The following USP25 variants were observed in gnomAD, a reference collection of about 807,000 sequenced individuals.
The protein encoded by USP25 is ubiquitin carboxyl-terminal hydrolase 25.
USP25 carries 85 observed loss-of-function variants against 158.5 expected under a neutral mutation model. The observed-to-expected ratio is 0.54, with a 90% CI of 0.45 to 0.64. USP25 has a LOEUF of 0.64. Among genes scored for constraint, USP25 ranks in the 30% least tolerant of loss-of-function variants. The pLI is 0.00. For synonymous variants in USP25, 464 were observed against 460.4 expected (o/e 1.01, Z -0.10); for missense variants, 1,242 against 1,327.3 (o/e 0.94, Z 1.00).
chr21:15,785,467 A>G (rs1467072402), intron 4 of USP25, among the ~76,000 whole-genome samples: 1 of 152,210 alleles, frequency 6.6e-6, no homozygotes, highest in African/African-American at 2.4e-5. Context: ...AGATGGTATC[A>G]AGTATTTTAC....
At chr21:15,794,029 C>T (rs1361139404) in intron 5 of USP25, among the ~76,000 whole-genome samples, 1 of 151,338 alleles carries the variant, frequency 6.6e-6, no homozygotes, top group Non-Finnish European at 1.5e-5. Context: ...GGAACTTACT[C>T]AAATTGTGAT....
Position 15,849,767 on chromosome 21 carries a change from T to G in USP25, c.2452-10T>G. The G allele has an allele frequency of 1.3e-6, 2 of 1,522,672 alleles. No individual in the cohort carries two copies. Among genetic ancestry groups the G allele is most frequent in the Non-Finnish European group, 1.8e-6 (2 of 1,137,108 alleles). 94.3% of individuals were successfully genotyped at this position (1,522,672 alleles called of 1,614,324 possible). A position where few individuals can be genotyped will look rare whatever the true frequency, so the allele number is the denominator to read the frequency against. On this transcript the variant is annotated splice_polypyrimidine_tract_variant and intron_variant, in intron 19 of 25. Transcript: ENST00000400183. ...AACCTTTTTTTAATGTTAACTATCT[T>G]CTGTGGCAGATCATGATGACACCGA...
chr21:15,785,487 A>G (rs1425466957), intron 4 of USP25, among the ~76,000 whole-genome samples: 2 of 152,250 alleles, frequency 1.3e-5, no homozygotes, highest in Non-Finnish European at 2.9e-5. Flanking sequence ...CCAGATCACA[A>G]CTATATAAAG....
intron 18 of USP25, among the ~76,000 whole-genome samples, chr21:15,847,025 A>G (rs1568883921): frequency 6.6e-6 from 1 of 152,232 alleles, no homozygotes; most frequent in Non-Finnish European, 1.5e-5. Flanking sequence ...TGTTTGTTGA[A>G]CACTTAAGAT....
intron 3 of USP25, among the ~76,000 whole-genome samples, chr21:15,775,506 T>A (rs1257712641): frequency 6.6e-6 from 1 of 152,126 alleles, no homozygotes; most frequent in Non-Finnish European, 1.5e-5. Flanking sequence ...CCTCTTGGAC[T>A]ACTGAGTTCA....
rs1165293777 is a variant in USP25, at chr21:15,831,532, A to T, written c.1896A>T (p.Ser632=). The stretch of plus-strand genomic sequence containing the variant: ...ATGATATTGCTGTGACAAAATCATC[A>T]TGGGAAGAGCTAGTGAGGGACTCTT... ...KYNDIAVTKS[S]WEELVRDSFG... Residue 632 remains serine (S), a synonymous_variant, in exon 16 of 26, where the codon TCA becomes TCT. Transcript: ENST00000400183. 62 of 1,613,988 alleles carry T rather than the reference A, an allele frequency of 3.8e-5. No individual in the cohort carries two copies. Among genetic ancestry groups the T allele is most frequent in the Non-Finnish European group, 5.0e-5 (59 of 1,179,970 alleles).
chr21:15,810,553 G>A (rs1409767789), intron 8 of USP25, among the ~76,000 whole-genome samples: 4 of 152,140 alleles, frequency 2.6e-5, no homozygotes, highest in Non-Finnish European at 4.4e-5. Context: ...AAATGACTTG[G>A]AAAATTTGTA....
chr21:15,827,791 T>C (rs906521253), intron 14 of USP25, among the ~76,000 whole-genome samples: 2 of 151,536 alleles, frequency 1.3e-5, no homozygotes, highest in Non-Finnish European at 2.9e-5. Flanking sequence ...TGTGTGTGTG[T>C]GTGTGTGTGT....
intron 20 of USP25, among the ~76,000 whole-genome samples, chr21:15,857,568 A>G (rs1414510518): frequency 6.6e-6 from 1 of 152,034 alleles, no homozygotes; most frequent in Non-Finnish European, 1.5e-5. Flanking sequence ...ACTGTCATTC[A>G]TCTTTATACG....
intron 10 of USP25, among the ~76,000 whole-genome samples, chr21:15,819,936 C>G (rs1472416915): frequency 6.6e-6 from 1 of 151,970 alleles, no homozygotes; most frequent in Non-Finnish European, 1.5e-5. Flanking sequence ...TAGTCTTTCT[C>G]TCTACATCGT....
Position 15,868,811 on chromosome 21 carries a change from A to G in USP25, c.2806-1257A>G, listed in dbSNP as rs537431962. ...TACAGAAAAAGTTTGCCTACTCACA[A>G]CTTCTAAGGTGATTCTAATGACAAC... On this transcript the variant is annotated intron_variant, in intron 22 of 25. Coordinates refer to ENST00000400183, the MANE Select transcript of USP25 (RefSeq NM_001283041.3). 5.3e-5 allele frequency among the ~76,000 whole-genome samples: 8 copies of G among 152,328 alleles called. No homozygotes were observed. In the South Asian group the frequency reaches 1.2e-3, roughly 24 times the overall value.
chr21:15,827,238 T>A (rs776176841), intron 14 of USP25, 35 bp downstream of exon 14: 1 of 1,509,788 alleles, frequency 6.6e-7, no homozygotes, highest in South Asian at 1.1e-5. Flanking sequence ...TACTGTCACC[T>A]CAGATGGATA....
intron 17 of USP25, among the ~76,000 whole-genome samples, chr21:15,838,121 C>T (rs1416067382): frequency 6.6e-6 from 1 of 151,666 alleles, no homozygotes; most frequent in Non-Finnish European, 1.5e-5. Context: ...AGAGACAAGG[C>T]TTCACCATGT....
chr21:15,755,376 A>G (rs2033308779), intron 1 of USP25, among the ~76,000 whole-genome samples: 1 of 152,186 alleles, frequency 6.6e-6, no homozygotes, highest in South Asian at 2.1e-4. Context: ...CTTTGTTGTC[A>G]GTGGTGCTTT....
At chr21:15,780,617 T>C (rs1203746386) in intron 4 of USP25, among the ~76,000 whole-genome samples, 1 of 152,224 alleles carries the variant, frequency 6.6e-6, no homozygotes, top group African/African-American at 2.4e-5. Flanking sequence ...TACAGATTCT[T>C]TTTTTCCTCA....
At chr21:15,741,277 C>G (rs1032076689) in intron 1 of USP25, among the ~76,000 whole-genome samples, 2 of 145,354 alleles carry the variant, frequency 1.4e-5, no homozygotes, top group Admixed American at 1.4e-4. Flanking sequence ...ATTCATGTAC[C>G]TTTTGATGTA....
intron 20 of USP25, among the ~76,000 whole-genome samples, chr21:15,856,533 G>A (rs917716913): frequency 8.6e-5 from 13 of 151,792 alleles, no homozygotes; most frequent in East Asian, 3.9e-4. Flanking sequence ...GTGCAGTGGC[G>A]CAGTCTCGGC....
At chr21:15,783,617 T>TA (rs2035093850) in intron 4 of USP25, among the ~76,000 whole-genome samples, 1 of 151,426 alleles carries the variant, frequency 6.6e-6, no homozygotes, top group Non-Finnish European at 1.5e-5. Flanking sequence ...AATATAAAAA[T>TA]AAAAACTGTC....
intron 20 of USP25, among the ~76,000 whole-genome samples, chr21:15,853,954 C>G (rs1004413638): frequency 6.6e-6 from 1 of 151,956 alleles, no homozygotes; most frequent in African/African-American, 2.4e-5. Flanking sequence ...AAATATTCTT[C>G]CTTTTTTTGA....
Sources: allele counts gnomAD v4.1 joint callset (sites outside exome capture counted in the v4.1 genomes callset), GRCh38; gene constraint gnomAD v4.1.1; transcripts MANE v1.5; gene names NCBI Gene and HGNC (gene_info 2026-07-23, HGNC 2026-07-21).